SMARCA2: variants seen among roughly 807,000 people sequenced by gnomAD.
SMARCA2 encodes the protein SWI/SNF related BAF chromatin remodeling complex subunit ATPase 2, also known as SWI/SNF-related matrix-associated actin-dependent regulator of chromatin subfamily A member 2.
In SMARCA2, 61 loss-of-function variants were observed where a neutral mutation model predicts 199.8. The observed-to-expected ratio is 0.31, with a 90% CI of 0.25 to 0.38. The LOEUF (loss-of-function observed/expected upper bound fraction) is 0.38, where lower values mean the gene tolerates loss of function less well. SMARCA2 is among the 10% of genes least tolerant of loss of function. The pLI is 1.00. For missense variants in SMARCA2, 1,344 were observed against 2,012.2 expected (o/e 0.67, Z 6.35); for synonymous variants, 935 against 732.0 (o/e 1.28, Z -4.48).
At chr9:2,065,012 A>C (rs187755587) in intron 9 of SMARCA2, among the ~76,000 whole-genome samples, 2 of 152,042 alleles carry the variant, frequency 1.3e-5, no homozygotes, top group Non-Finnish European at 2.9e-5. Flanking sequence ...TTGAAACCCC[A>C]TCTCTACTAA....
At chr9:2,149,521 AAAC>A (rs1824945474) in intron 27 of SMARCA2, among the ~76,000 whole-genome samples, 1 of 151,508 alleles carries the variant, frequency 6.6e-6, no homozygotes, top group Non-Finnish European at 1.5e-5. Flanking sequence ...CTCCTCAAAA[AAAC>A]AACAACGAAA....
chr9:2,175,101 C>T (rs551610998), intron 29 of SMARCA2, among the ~76,000 whole-genome samples: 64 of 151,970 alleles, frequency 4.2e-4, no homozygotes, highest in African/African-American at 7.5e-4. Flanking sequence ...TAGAAATGGC[C>T]GGCTGAGGAA....
intron 26 of SMARCA2, among the ~76,000 whole-genome samples, chr9:2,120,349 G>A (rs905768237): frequency 1.3e-5 from 2 of 152,076 alleles, no homozygotes; most frequent in African/African-American, 4.8e-5. Flanking sequence ...TAGGTGTACT[G>A]GAGATGCTTT....
chr9:2,186,832 C>G (rs1402598105), intron 32 of SMARCA2, among the ~76,000 whole-genome samples: 1 of 150,314 alleles, frequency 6.7e-6, no homozygotes, highest in East Asian at 2.0e-4. Context: ...GACCTGCAAA[C>G]ACTTTCTGAA....
chr9:2,132,749 T>C (rs930820093), intron 27 of SMARCA2, among the ~76,000 whole-genome samples: 1 of 152,216 alleles, frequency 6.6e-6, no homozygotes, highest in Admixed American at 6.5e-5. Flanking sequence ...TTCAATACTT[T>C]AGGGTGGAAG....
chr9:2,043,341 G>T (rs1463882560), intron 4 of SMARCA2: 1 of 152,194 alleles, frequency 6.6e-6, no homozygotes. Context: ...TAACTCTGCA[G>T]TGGTTTCCCC....
At chr9:2,138,576 G>A (rs982811175) in intron 27 of SMARCA2, among the ~76,000 whole-genome samples, 4 of 152,132 alleles carry the variant, frequency 2.6e-5, no homozygotes, top group East Asian at 1.9e-4. Flanking sequence ...CCCATAGTCC[G>A]TTCTTCTCTT....
intron 3 of SMARCA2, among the ~76,000 whole-genome samples, chr9:2,034,919 T>A (rs1445638955): frequency 6.6e-6 from 1 of 152,192 alleles, no homozygotes; most frequent in East Asian, 1.9e-4. Context: ...ATTTGACTCA[T>A]TCACGGTTAT....
chr9:2,070,489 TTTCCACTGTGTTCTGCTG>T lies in SMARCA2; in HGVS notation c.1746+19_1746+36del, dbSNP rs1821042902. On this transcript the variant is annotated intron_variant, in intron 10 of 33. Transcript: ENST00000349721. ...ATGGAGAGGTAAGGGATCGTCATCC[TTTCCACTGTGTTCTGCTG>T]AATGGAGTCTGTGCCATACCTGGCA... The T allele has an allele frequency of 6.3e-7, 1 of 1,598,810 alleles. No homozygotes were observed. The highest frequency in any genetic ancestry group is 8.6e-7 in the Non-Finnish European group (1 of 1,166,318).
At chr9:2,134,272 A>C (rs368159299) in intron 27 of SMARCA2, among the ~76,000 whole-genome samples, 1 of 152,206 alleles carries the variant, frequency 6.6e-6, no homozygotes. Flanking sequence ...TACTTGCTGA[A>C]TATGTTACAG....
chr9:2,048,079 C>G (rs1819954806), intron 5 of SMARCA2: 2 of 152,188 alleles, frequency 1.3e-5, no homozygotes, highest in Non-Finnish European at 2.9e-5. Flanking sequence ...CATACCGTCT[C>G]TGTCACAACT....
chr9:2,175,956 C>G (rs1004100024), intron 29 of SMARCA2, among the ~76,000 whole-genome samples: 1 of 152,118 alleles, frequency 6.6e-6, no homozygotes, highest in Non-Finnish European at 1.5e-5. Flanking sequence ...TCTCGGCTCT[C>G]TGCAACCTCC....
At chr9:2,093,613 C>G (rs905715492) in intron 19 of SMARCA2, among the ~76,000 whole-genome samples, 6 of 152,182 alleles carry the variant, frequency 3.9e-5, no homozygotes, top group Non-Finnish European at 8.8e-5. Context: ...ACTAAACTAA[C>G]AACCCTGGTC....
chr9:2,144,872 A>C (rs144918237), intron 27 of SMARCA2, among the ~76,000 whole-genome samples: 1 of 152,112 alleles, frequency 6.6e-6, no homozygotes, highest in African/African-American at 2.4e-5. Flanking sequence ...ATCCAGACTT[A>C]GTGGTGCCTG....
At chr9:2,147,521 A>T (rs551853461) in intron 27 of SMARCA2, among the ~76,000 whole-genome samples, 1 of 152,236 alleles carries the variant, frequency 6.6e-6, no homozygotes, top group Non-Finnish European at 1.5e-5. Context: ...TTCTCACAGA[A>T]ATAACACCTA....
intron 6 of SMARCA2, among the ~76,000 whole-genome samples, chr9:2,055,085 C>T (rs528170222): frequency 6.6e-6 from 1 of 152,262 alleles, no homozygotes; most frequent in African/African-American, 2.4e-5. Flanking sequence ...ATTGGAGCTT[C>T]TTTGTAAGCA....
At chr9:2,124,780 G>A (rs1462246626) in intron 27 of SMARCA2, among the ~76,000 whole-genome samples, 4 of 152,150 alleles carry the variant, frequency 2.6e-5, no homozygotes, top group African/African-American at 9.7e-5. Context: ...TAGGAGTCGC[G>A]TGTGTGAACA....
At chr9:2,106,047 A>G (rs867310039) in intron 23 of SMARCA2, among the ~76,000 whole-genome samples, 1 of 152,218 alleles carries the variant, frequency 6.6e-6, no homozygotes, top group Non-Finnish European at 1.5e-5. Flanking sequence ...GCTAACATGT[A>G]TGGAACACCG....
intron 32 of SMARCA2, among the ~76,000 whole-genome samples, chr9:2,187,165 A>C (rs1191442895): frequency 2.0e-5 from 3 of 151,880 alleles, no homozygotes; most frequent in Admixed American, 2.0e-4. Flanking sequence ...TACTGTCTTT[A>C]TTTAAAATGT....
Sources: allele counts gnomAD v4.1 joint callset (sites outside exome capture counted in the v4.1 genomes callset), GRCh38; gene constraint gnomAD v4.1.1; transcripts MANE v1.5; gene names NCBI Gene and HGNC (gene_info 2026-07-23, HGNC 2026-07-21).